NDE1: variants seen among roughly 807,000 people sequenced by gnomAD.
The protein encoded by NDE1 is nudE neurodevelopment protein 1.
A neutral mutation model predicts 43.4 loss-of-function variants in NDE1; 28 were observed. That is an observed-to-expected ratio of 0.65 (90% confidence interval 0.48 to 0.89). NDE1 has a LOEUF of 0.89. Ranked by LOEUF, NDE1 falls within the 40% of genes least tolerant of loss-of-function variation. NDE1 has a pLI of 0.00. For synonymous variants in NDE1, 184 were observed against 172.0 expected, an observed-to-expected ratio of 1.07 and a Z score of -0.55; for missense variants, 441 against 434.1, an observed-to-expected ratio of 1.02 and a Z score of -0.14.
chr16:15,696,987 C>G, intron 8 of NDE1, 127 bp downstream of exon 8: 1 of 1,538,522 alleles, frequency 6.5e-7, no homozygotes, highest in South Asian at 1.2e-5. Context: ...AAACCTTATC[C>G]TCTCCTCTGC....
At chr16:15,703,738 A>G in intron 8 of NDE1, 2 of 506,266 alleles carry the variant, frequency 4.0e-6, no homozygotes, top group Non-Finnish European at 7.2e-6. Flanking sequence ...ACAGGTGTGT[A>G]CCACCACGCC....
intron 1 of NDE1, 44 bp downstream of exon 1, chr16:15,650,338 G>C (rs1432790122): frequency 4.3e-6 from 1 of 231,130 alleles, no homozygotes; most frequent in Non-Finnish European, 9.0e-6. Flanking sequence ...GTGGCTGTCC[G>C]GGGACCTCCA....
Position 15,664,730 on chromosome 16 carries a change from T to A in NDE1, c.-43-6T>A, listed in dbSNP as rs372895415. On this transcript the variant is annotated splice_region_variant and splice_polypyrimidine_tract_variant and intron_variant, in intron 1 of 8. Transcript: ENST00000396354. The stretch of plus-strand genomic sequence containing the variant: ...TGGGTAATCATTTTGAAACCTTCTC[T>A]CCTAGACACCATGCCACAAGGAGAG... 1 of 1,380,532 alleles carries A rather than the reference T, an allele frequency of 7.2e-7. No homozygotes were observed. The highest frequency in any genetic ancestry group is 1.0e-6 in the Non-Finnish European group (1 of 968,252). 85.5% of individuals were successfully genotyped at this position (1,380,532 alleles called of 1,614,324 possible). A position where few individuals can be genotyped will look rare whatever the true frequency, so the allele number is the denominator to read the frequency against.
At chr16:15,664,577 G>T (rs373644865) in intron 1 of NDE1, among the ~76,000 whole-genome samples, 159 bp from the exon 2 acceptor site, 1 of 151,564 alleles carries the variant, frequency 6.6e-6, no homozygotes, top group East Asian at 1.9e-4. Flanking sequence ...GGGTGGTCTC[G>T]ATCTCCTGAC....
At chr16:15,644,514 A>C (rs1294356300) in intron 1 of NDE1, among the ~76,000 whole-genome samples, 1 of 152,226 alleles carries the variant, frequency 6.6e-6, no homozygotes, top group Non-Finnish European at 1.5e-5. Flanking sequence ...GCAGTGGCTC[A>C]GGCCTGTATT....
At chr16:15,718,725 AATGAAAGCAGCCACACCCCCAAACAGGC>A (rs1447061398) in intron 8 of NDE1, 2 of 525,556 alleles carry the variant, frequency 3.8e-6, no homozygotes, top group African/African-American at 3.8e-5. Flanking sequence ...ATTGGGAATG[AATGAAAGCAGCCACACCCCCAAACAGGC>A]ATGAAAGCGC....
At chr16:15,707,988 C>A (rs1322148864) in intron 8 of NDE1, among the ~76,000 whole-genome samples, 2 of 150,142 alleles carry the variant, frequency 1.3e-5, no homozygotes, top group African/African-American at 4.9e-5. Context: ...AAGCAAAATC[C>A]CAGAGCAGCA....
chr16:15,669,136 A>C (rs1173045513), intron 3 of NDE1, among the ~76,000 whole-genome samples: 1 of 150,146 alleles, frequency 6.7e-6, no homozygotes, highest in African/African-American at 2.5e-5. Context: ...TCCTGACCTC[A>C]GGATCCGCCT....
upstream of NDE1, among the ~76,000 whole-genome samples, chr16:15,648,600 A>C (rs1313752646): frequency 6.6e-6 from 1 of 151,498 alleles, no homozygotes; most frequent in Non-Finnish European, 1.5e-5. Context: ...TGAGGTCAGG[A>C]GTTCGAGACC....
At chr16:15,652,195 ACT>A (rs1280175250) in intron 1 of NDE1, 16 of 151,780 alleles carry the variant, frequency 1.1e-4, no homozygotes, top group African/African-American at 3.9e-4. Context: ...ACTGCACCCG[ACT>A]CTATCATTAT....
Position 15,667,368 on chromosome 16 carries a change from C to G in NDE1, c.166C>G (p.Gln56Glu). The change falls in exon 3 of 9, where the codon CAA becomes GAA. Residue 56 changes from glutamine to glutamate, a missense_variant. Physicochemically the swap from Gln to Glu is conservative, Grantham distance 29. Coordinates refer to ENST00000396354, the MANE Select transcript of NDE1 (RefSeq NM_017668.3). Reference protein sequence around the residue: ...YEAELETQLQQIETRNRDLLS... With the variant: ...YEAELETQLQEIETRNRDLLS... ...AGCTGAATTGGAGACGCAGCTGCAA[C>G]AAATTGAAACCAGGAACAGAGACCT... 1.2e-6 allele frequency: 2 copies of G among 1,614,050 alleles called. No homozygotes were observed. Among genetic ancestry groups the G allele is most frequent in the Non-Finnish European group, 1.7e-6 (2 of 1,179,992 alleles).
chr16:15,699,264 T>C (rs1280472265), intron 8 of NDE1, among the ~76,000 whole-genome samples: 1 of 104,478 alleles, frequency 9.6e-6, no homozygotes, highest in Non-Finnish European at 1.7e-5. Context: ...ATGCCTGGCC[T>C]TTTTTTTTTT....
intron 8 of NDE1, chr16:15,713,410 A>T (rs1315015982): frequency 1.3e-5 from 2 of 152,168 alleles, no homozygotes; most frequent in Admixed American, 6.6e-5. Context: ...TCAAAGAAAA[A>T]GTGAAAAGCA....
intron 1 of NDE1, among the ~76,000 whole-genome samples, chr16:15,659,993 C>G (rs140832784): frequency 0.028 from 4,184 of 151,444 alleles, 198 homozygotes; most frequent in African/African-American, 0.097. Flanking sequence ...GTGATCTGCC[C>G]GCCTCGGCCT....
chr16:15,691,509 A>G (rs888629550), intron 6 of NDE1, among the ~76,000 whole-genome samples, 186 bp downstream of exon 6: 1 of 151,958 alleles, frequency 6.6e-6, no homozygotes, highest in Non-Finnish European at 1.5e-5. Context: ...AGGACTGGGT[A>G]AGAGGCAGTA....
intron 1 of NDE1, among the ~76,000 whole-genome samples, chr16:15,644,493 G>C (rs923690314): frequency 6.6e-6 from 1 of 152,220 alleles, no homozygotes; most frequent in African/African-American, 2.4e-5. Context: ...AATCTTGACT[G>C]TGGGCTGGGC....
chr16:15,686,218 C>T (rs909732051), intron 4 of NDE1: 10 of 281,572 alleles, frequency 3.6e-5, no homozygotes, highest in African/African-American at 2.3e-4. Flanking sequence ...TCCCAAAGTG[C>T]TGGGATTACA....
intron 1 of NDE1, 146 bp from the exon 2 acceptor site, chr16:15,664,590 C>T (rs34766733): frequency 6.8e-6 from 4 of 590,114 alleles, no homozygotes; most frequent in South Asian, 1.9e-5. Flanking sequence ...CTCCTGACCT[C>T]GTGATCCGCC....
chr16:15,694,290 C>G, intron 7 of NDE1, 34 bp downstream of exon 7: 1 of 1,607,042 alleles, frequency 6.2e-7, no homozygotes, highest in Middle Eastern at 1.7e-4. Flanking sequence ...TTGGTGCCTT[C>G]CTGCCTGTCT....
Sources: allele counts gnomAD v4.1 joint callset (sites outside exome capture counted in the v4.1 genomes callset), GRCh38; gene constraint gnomAD v4.1.1; transcripts MANE v1.5; gene names NCBI Gene and HGNC (gene_info 2026-07-23, HGNC 2026-07-21).